Variants in JARID2 observed in about 807,000 individuals in gnomAD.
JARID2 encodes protein Jumonji.
A neutral mutation model predicts 125.6 loss-of-function variants in JARID2; 21 were observed. That is an observed-to-expected ratio of 0.17 (90% CI 0.12 to 0.24). The LOEUF (loss-of-function observed/expected upper bound fraction) is 0.24, where lower values mean the gene tolerates loss of function less well. Ranked by LOEUF, JARID2 falls within the 10% of genes least tolerant of loss-of-function variation. JARID2 has a pLI of 1.00. For missense variants in JARID2, 1,303 were observed against 1,639.6 expected, an observed-to-expected ratio of 0.79 and a Z score of 3.55; for synonymous variants, 736 against 661.6, an observed-to-expected ratio of 1.11 and a Z score of -1.73.
chr6:15,343,290 T>A (rs1194450886), intron 1 of JARID2, among the ~76,000 whole-genome samples: 8 of 138,718 alleles, frequency 5.8e-5, no homozygotes, highest in African/African-American at 1.1e-4. Context: ...GTTAAGGATT[T>A]AAAAAAAAAA....
intron 1 of JARID2, among the ~76,000 whole-genome samples, chr6:15,256,946 G>C (rs184170628): frequency 6.6e-6 from 1 of 152,280 alleles, no homozygotes; most frequent in African/African-American, 2.4e-5. Flanking sequence ...GAGGGAATCG[G>C]TATGAATCTA....
intron 1 of JARID2, among the ~76,000 whole-genome samples, chr6:15,371,882 T>G (rs542662054): frequency 1.3e-5 from 2 of 152,304 alleles, no homozygotes; most frequent in East Asian, 1.9e-4. Flanking sequence ...TGGATGTACC[T>G]CCTTCTTCTA....
At chr6:15,327,303 G>A (rs1762562627) in intron 1 of JARID2, among the ~76,000 whole-genome samples, 1 of 152,046 alleles carries the variant, frequency 6.6e-6, no homozygotes, top group Non-Finnish European at 1.5e-5. Context: ...GAGTGCAGTG[G>A]TGCTATCATA....
chr6:15,444,735 ATTTTTTTTT>A (rs5874512), intron 3 of JARID2, among the ~76,000 whole-genome samples: 13 of 91,924 alleles, frequency 1.4e-4, no homozygotes, highest in East Asian at 9.2e-4. Context: ...GAACTGTCTG[ATTTTTTTTT>A]TTTTTTTTTT....
At chr6:15,415,530 G>T (rs1418875556) in intron 3 of JARID2, among the ~76,000 whole-genome samples, 5 of 126,624 alleles carry the variant, frequency 3.9e-5, no homozygotes, top group South Asian at 2.4e-4. Context: ...GGGCAGAGGC[G>T]CCCCTCACCT....
chr6:15,285,525 C>G (rs928417941), intron 1 of JARID2, among the ~76,000 whole-genome samples: 4 of 151,900 alleles, frequency 2.6e-5, no homozygotes, highest in African/African-American at 9.7e-5. Flanking sequence ...AACATCTGGT[C>G]ATAGAATGAC....
At chr6:15,448,044 T>C (rs1030863223) in intron 3 of JARID2, among the ~76,000 whole-genome samples, 3 of 152,326 alleles carry the variant, frequency 2.0e-5, no homozygotes, top group Non-Finnish European at 2.9e-5. Flanking sequence ...CCCACGGGAC[T>C]CTGCAGGTTG....
chr6:15,409,153 A>C (rs1765771837), intron 2 of JARID2, among the ~76,000 whole-genome samples: 2 of 152,320 alleles, frequency 1.3e-5, no homozygotes, highest in African/African-American at 4.8e-5. Flanking sequence ...TGTGTTCTAC[A>C]TAGTGTTTAG....
At chr6:15,506,582 G>A (rs1015952849) in intron 9 of JARID2, among the ~76,000 whole-genome samples, 3 of 152,224 alleles carry the variant, frequency 2.0e-5, no homozygotes, top group South Asian at 2.1e-4. Context: ...AGAACAAAGT[G>A]GAAGGTGACT....
chr6:15,298,509 G>A (rs555487815), intron 1 of JARID2, among the ~76,000 whole-genome samples: 2 of 151,878 alleles, frequency 1.3e-5, no homozygotes, highest in East Asian at 3.9e-4. Flanking sequence ...GTGAAACCCC[G>A]CCTCTAGGAA....
intron 3 of JARID2, among the ~76,000 whole-genome samples, chr6:15,427,528 G>A (rs1018323436): frequency 2.6e-5 from 4 of 151,958 alleles, no homozygotes; most frequent in African/African-American, 9.7e-5. Context: ...GGTTGCCATG[G>A]AAACTGCTGG....
chr6:15,304,246 T>C (rs1195466933), intron 1 of JARID2, among the ~76,000 whole-genome samples: 2 of 150,882 alleles, frequency 1.3e-5, no homozygotes, highest in Non-Finnish European at 3.0e-5. Context: ...CCAGCCTCCT[T>C]TTGCTCCTTT....
intron 1 of JARID2, among the ~76,000 whole-genome samples, chr6:15,343,922 G>A (rs973114022): frequency 2.0e-5 from 3 of 152,098 alleles, no homozygotes; most frequent in African/African-American, 7.2e-5. Context: ...TTACCTGGGA[G>A]GACCTTTTAC....
At chr6:15,471,488 TA>T (rs1223196008) in intron 5 of JARID2, among the ~76,000 whole-genome samples, 1 of 152,178 alleles carries the variant, frequency 6.6e-6, no homozygotes, top group African/African-American at 2.4e-5. Flanking sequence ...TTCATCAGTG[TA>T]GTATCGGATT....
At position 15,469,290 on chromosome 6, in the gene JARID2, G is replaced by GTCTCTCTC. The variant is rs1165786020; in HGVS notation, c.670+579_670+580insCTCTCTCT. Among the ~76,000 whole-genome samples, 496 of 76,804 alleles carry GTCTCTCTC rather than the reference G, an allele frequency of 6.5e-3. 9 individuals carry two copies. Among genetic ancestry groups the GTCTCTCTC allele is most frequent in the African/African-American group, 0.022 (418 of 18,778 alleles). 50.4% of individuals were successfully genotyped at this position (76,804 alleles called of 152,430 possible). On this transcript the variant is annotated intron_variant, in intron 5 of 17. Coordinates refer to ENST00000341776, the MANE Select transcript of JARID2 (RefSeq NM_004973.4). ...TCTGTCTCTCTGTCTCTCTGTCTCT[G>GTCTCTCTC]TCTCTCTGTCTCTGTCTCTCTCTCT... is the stretch of plus-strand genomic sequence containing the variant.
At chr6:15,276,968 G>A (rs1760547535) in intron 1 of JARID2, among the ~76,000 whole-genome samples, 4 of 152,190 alleles carry the variant, frequency 2.6e-5, no homozygotes, top group African/African-American at 9.6e-5. Context: ...ATTGGACAAG[G>A]CGAAAGCTTG....
In JARID2 at chr6:15,519,980, T is replaced by C. The variant is rs189643109; in HGVS notation, c.3559-89T>C. The C allele has an allele frequency of 2.0e-3, 2,178 of 1,063,848 alleles. 3 individuals are homozygous for C. Among genetic ancestry groups the C allele is most frequent in the Non-Finnish European group, 2.6e-3 (1,935 of 747,236 alleles). 65.9% of individuals were successfully genotyped at this position (1,063,848 alleles called of 1,614,324 possible). ...TGTGGTGAAGGGGACCGCTGCCCTC[T>C]GCCCTAAACTTGCCCCTGCATGGCT... On this transcript the variant is annotated intron_variant, in intron 17 of 17. Coordinates refer to ENST00000341776, the MANE Select transcript of JARID2 (RefSeq NM_004973.4).
chr6:15,516,601 T>C (rs1477240736), intron 16 of JARID2, among the ~76,000 whole-genome samples: 2 of 152,168 alleles, frequency 1.3e-5, no homozygotes, highest in African/African-American at 4.8e-5. Context: ...TTGGGGGAGT[T>C]TGCATGGGGT....
chr6:15,491,653 T>G (rs1467912452), intron 6 of JARID2, among the ~76,000 whole-genome samples: 4 of 152,230 alleles, frequency 2.6e-5, no homozygotes, highest in Non-Finnish European at 5.9e-5. Flanking sequence ...AAAACATTTT[T>G]GCTTAGTTAA....
Sources: allele counts gnomAD v4.1 joint callset (sites outside exome capture counted in the v4.1 genomes callset), GRCh38; gene constraint gnomAD v4.1.1; transcripts MANE v1.5; gene names NCBI Gene and HGNC (gene_info 2026-07-23, HGNC 2026-07-21).